Variants in ADAM10 observed in about 807,000 individuals in gnomAD.
ADAM10 encodes disintegrin and metalloproteinase domain-containing protein 10.
ADAM10 carries 17 observed loss-of-function variants against 90.1 expected under a neutral mutation model. The ratio of observed to expected loss-of-function variants is 0.19; its 90% CI spans 0.13 to 0.28. ADAM10 has a LOEUF of 0.28. Among genes scored for constraint, ADAM10 ranks in the 10% least tolerant of loss-of-function variants. ADAM10 has a pLI of 1.00. For synonymous variants in ADAM10, 310 were observed against 298.6 expected, an observed-to-expected ratio of 1.04 and a Z score of -0.40; for missense variants, 610 against 914.3, an observed-to-expected ratio of 0.67 and a Z score of 4.29.
At chr15:58,681,573 C>T (rs1897443231) in intron 3 of ADAM10, among the ~76,000 whole-genome samples, 1 of 152,166 alleles carries the variant, frequency 6.6e-6, no homozygotes, top group South Asian at 2.1e-4. Context: ...CTCTCCAACA[C>T]CCCCAGAAGA....
intron 2 of ADAM10, among the ~76,000 whole-genome samples, chr15:58,715,336 C>T (rs1898621577): frequency 6.6e-6 from 1 of 151,238 alleles, no homozygotes; most frequent in Non-Finnish European, 1.5e-5. Flanking sequence ...GCAGGAGAAT[C>T]ACTTGAACCC....
chr15:58,599,583 C>T lies in ADAM10; in HGVS notation c.2152+15G>A, dbSNP rs1157811200. The T allele has an allele frequency of 6.2e-7, 1 of 1,612,316 alleles. No individual in the cohort carries two copies. ...CTGAGTTACATAAATATGTATCTTGCTCAAATATTCTTACCTGGAAGTGGT... is the reference window on the plus strand; with the variant it reads ...CTGAGTTACATAAATATGTATCTTGTTCAAATATTCTTACCTGGAAGTGGT... On this transcript the variant is annotated intron_variant, in intron 15 of 15. Coordinates refer to ENST00000260408, the MANE Select transcript of ADAM10 (RefSeq NM_001110.4).
Position 58,744,418 on chromosome 15 carries a change from A to G in ADAM10, c.55+5062T>C, listed in dbSNP as rs374537195. Among the ~76,000 whole-genome samples, 6 of 152,374 alleles carry G rather than the reference A, an allele frequency of 3.9e-5. No individual in the cohort carries two copies. The East Asian group carries it at 1.2e-3, about 29-fold the overall frequency. Reference sequence around the variant, plus strand: ...TAGAAACAACCAATTAGAAGGTAACATCTTCAAAGTTTACAAGAAAGCAAA... The same window carrying G: ...TAGAAACAACCAATTAGAAGGTAACGTCTTCAAAGTTTACAAGAAAGCAAA... On this transcript the variant is annotated intron_variant, in intron 1 of 15. Transcript: ENST00000260408.
chr15:58,650,194 T>C (rs1204509002), intron 5 of ADAM10, among the ~76,000 whole-genome samples: 5 of 152,224 alleles, frequency 3.3e-5, no homozygotes, highest in African/African-American at 9.6e-5. Flanking sequence ...CCTTTGTCAG[T>C]TGACTCTCTT....
chr15:58,612,779 A>G (rs535966751), intron 11 of ADAM10, among the ~76,000 whole-genome samples: 4 of 152,340 alleles, frequency 2.6e-5, no homozygotes, highest in African/African-American at 7.2e-5. Context: ...CACAAAGTGT[A>G]TAATCCCAGC....
intron 2 of ADAM10, among the ~76,000 whole-genome samples, chr15:58,694,690 C>T (rs1230357485): frequency 6.6e-6 from 1 of 151,432 alleles, no homozygotes; most frequent in Non-Finnish European, 1.5e-5. Flanking sequence ...ACCTAAATGT[C>T]TATCAACAAG....
chr15:58,640,650 T>A (rs1896393612), intron 8 of ADAM10, 127 bp downstream of exon 8: 3 of 921,348 alleles, frequency 3.3e-6, no homozygotes, highest in Non-Finnish European at 5.0e-6. Flanking sequence ...CTTGCCTAAC[T>A]CAAGTAGCAT....
chr15:58,716,335 T>G (rs1325634583), intron 2 of ADAM10, among the ~76,000 whole-genome samples: 1 of 152,110 alleles, frequency 6.6e-6, no homozygotes, highest in Non-Finnish European at 1.5e-5. Flanking sequence ...TAATAAGAAG[T>G]ACCCACAAAA....
intron 2 of ADAM10, among the ~76,000 whole-genome samples, chr15:58,683,283 T>G (rs553374344): frequency 2.8e-4 from 42 of 152,194 alleles, no homozygotes; most frequent in Non-Finnish European, 4.7e-4. Flanking sequence ...CGTCTTTTTT[T>G]TTACATATAC....
At chr15:58,610,008 C>A in intron 14 of ADAM10, 1 of 359,214 alleles carries the variant, frequency 2.8e-6, no homozygotes, top group Non-Finnish European at 5.1e-6. Flanking sequence ...ATGAAAATGC[C>A]CTAATAATAT....
In ADAM10 at chr15:58,749,237, AG is replaced by A. The variant is rs1406724390; in HGVS notation, c.55+242del. On this transcript the variant is annotated intron_variant, in intron 1 of 15. Coordinates refer to ENST00000260408, the MANE Select transcript of ADAM10 (RefSeq NM_001110.4). ...GCGACCCCCGCCTCCCGGGGCCGCC[AG>A]GGCGGTGGGGGGCGGGGAAGGCCTC... 9.1e-4 allele frequency among the ~76,000 whole-genome samples: 138 copies of A among 152,248 alleles called. 1 individual carries two copies. Among genetic ancestry groups the A allele is most frequent in the Middle Eastern group, 3.4e-3 (1 of 292 alleles).
At chr15:58,695,623 C>T (rs1425767985) in intron 2 of ADAM10, among the ~76,000 whole-genome samples, 1 of 151,868 alleles carries the variant, frequency 6.6e-6, no homozygotes, top group Non-Finnish European at 1.5e-5. Flanking sequence ...AGGGCAAAAG[C>T]TACAAAAAGA....
chr15:58,685,845 C>T (rs186427523), intron 2 of ADAM10, among the ~76,000 whole-genome samples: 1 of 151,862 alleles, frequency 6.6e-6, no homozygotes, highest in Non-Finnish European at 1.5e-5. Flanking sequence ...TCTTAAGACA[C>T]AAAACAAAAA....
intron 2 of ADAM10, chr15:58,691,045 C>G (rs2140771305): frequency 3.5e-6 from 2 of 568,536 alleles, no homozygotes; most frequent in East Asian, 3.5e-5. Flanking sequence ...ATCATATAAC[C>G]CATCATAGAG....
chr15:58,645,617 C>CATTTTGAAGG (rs1415118825), intron 6 of ADAM10, among the ~76,000 whole-genome samples: 1 of 152,072 alleles, frequency 6.6e-6, no homozygotes, highest in Non-Finnish European at 1.5e-5. Flanking sequence ...ACACGAAGGA[C>CATTTTGAAGG]ATTTTGAAGG....
chr15:58,721,936 G>A (rs1898868398), intron 1 of ADAM10, among the ~76,000 whole-genome samples: 1 of 152,124 alleles, frequency 6.6e-6, no homozygotes, highest in South Asian at 2.1e-4. Context: ...GCTGAGGCAG[G>A]AGAATCGTTT....
At chr15:58,625,388 C>G (rs1310679663) in intron 10 of ADAM10, among the ~76,000 whole-genome samples, 2 of 151,788 alleles carry the variant, frequency 1.3e-5, no homozygotes, top group Admixed American at 6.6e-5. Context: ...TATAAATGGC[C>G]AATAAGTACA....
intron 4 of ADAM10, among the ~76,000 whole-genome samples, chr15:58,675,617 A>C (rs1460052842): frequency 1.3e-5 from 2 of 152,202 alleles, no homozygotes; most frequent in Non-Finnish European, 2.9e-5. Flanking sequence ...TACTAAGTAC[A>C]GAATTAAATA....
intron 4 of ADAM10, among the ~76,000 whole-genome samples, chr15:58,670,245 G>A (rs1289457054): frequency 4.0e-5 from 6 of 151,434 alleles, no homozygotes; most frequent in African/African-American, 9.7e-5. Flanking sequence ...TTGGGGAAGT[G>A]TGTCCACAGA....
Sources: gnomAD v4.1 joint callset for allele counts (sites outside exome capture counted in the v4.1 genomes callset) on GRCh38, gnomAD v4.1.1 for gene constraint, MANE v1.5 for transcripts, NCBI Gene and HGNC (gene_info 2026-07-23, HGNC 2026-07-21) for gene names.